KCNMA1: variants seen among roughly 807,000 people sequenced by gnomAD.
KCNMA1 encodes the protein Calcium-activated potassium channel subunit alpha-1.
Under a neutral mutation model 140.0 loss-of-function variants are expected in KCNMA1, and 29 were observed. That is an observed-to-expected ratio of 0.21 (90% confidence interval 0.15 to 0.28). KCNMA1 has a LOEUF of 0.28. Among genes scored for constraint, KCNMA1 ranks in the 10% least tolerant of loss-of-function variants. The pLI is 1.00. For missense variants in KCNMA1, 880 were observed against 1,602.2 expected, an observed-to-expected ratio of 0.55 and a Z score of 7.70; for synonymous variants, 612 against 611.9, an observed-to-expected ratio of 1.00 and a Z score of 0.00.
At chr10:77,293,373 C>T (rs1218081173) in intron 2 of KCNMA1, among the ~76,000 whole-genome samples, 1 of 152,128 alleles carries the variant, frequency 6.6e-6, no homozygotes, top group African/African-American at 2.4e-5. Flanking sequence ...ACAACCATAG[C>T]TCCTAAAGCA....
intron 19 of KCNMA1, among the ~76,000 whole-genome samples, chr10:77,000,411 G>A (rs950262394): frequency 6.6e-6 from 1 of 152,156 alleles, no homozygotes; most frequent in Non-Finnish European, 1.5e-5. Flanking sequence ...CTTATGAACC[G>A]TATCAGGAAA....
At chr10:77,563,155 A>T (rs551797654) in intron 1 of KCNMA1, among the ~76,000 whole-genome samples, 17 of 152,134 alleles carry the variant, frequency 1.1e-4, no homozygotes, top group African/African-American at 4.1e-4. Flanking sequence ...TAGGTAGCTC[A>T]AACAGCTAAG....
At chr10:77,305,821 T>A (rs1183861040) in intron 2 of KCNMA1, among the ~76,000 whole-genome samples, 3 of 152,188 alleles carry the variant, frequency 2.0e-5, no homozygotes, top group African/African-American at 7.2e-5. Context: ...CCTGAGGCTC[T>A]GCGCAAACAA....
At chr10:77,535,515 C>T (rs1004447500) in intron 1 of KCNMA1, among the ~76,000 whole-genome samples, 1 of 152,152 alleles carries the variant, frequency 6.6e-6, no homozygotes, top group African/African-American at 2.4e-5. Context: ...AATAGAATTA[C>T]CATATGATCC....
intron 1 of KCNMA1, among the ~76,000 whole-genome samples, chr10:77,560,599 G>T (rs2066042150): frequency 6.6e-6 from 1 of 152,180 alleles, no homozygotes; most frequent in African/African-American, 2.4e-5. Flanking sequence ...ATGGGCATTG[G>T]GATTCTGGGA....
At chr10:77,489,315 TTTATTTATTTATTTTTTA>T (rs1311084577) in intron 1 of KCNMA1, among the ~76,000 whole-genome samples, 4 of 152,056 alleles carry the variant, frequency 2.6e-5, no homozygotes, top group Non-Finnish European at 5.9e-5. Context: ...TTATTTTCTT[TTTATTTATTTATTTTTTA>T]TTATTTATTT....
chr10:77,530,522 C>T (rs2057342889), intron 1 of KCNMA1, among the ~76,000 whole-genome samples: 1 of 152,218 alleles, frequency 6.6e-6, no homozygotes, highest in Admixed American at 6.5e-5. Flanking sequence ...TCCACATTCA[C>T]TTAGTGCAAG....
intron 13 of KCNMA1, among the ~76,000 whole-genome samples, chr10:77,075,844 C>G (rs2096378096): frequency 6.6e-6 from 1 of 152,170 alleles, no homozygotes; most frequent in Non-Finnish European, 1.5e-5. Flanking sequence ...AAACTTCGTC[C>G]TTTTCCATTT....
chr10:77,400,314 C>CCCAACAG (rs2096222222), intron 2 of KCNMA1, among the ~76,000 whole-genome samples: 1 of 152,212 alleles, frequency 6.6e-6, no homozygotes, highest in South Asian at 2.1e-4. Flanking sequence ...TCTGCATGGC[C>CCCAACAG]CCAACAGCCT....
intron 1 of KCNMA1, among the ~76,000 whole-genome samples, chr10:77,624,049 C>T (rs1165545991): frequency 8.5e-5 from 13 of 152,140 alleles, no homozygotes; most frequent in Non-Finnish European, 1.5e-5. Flanking sequence ...GGAATCATCC[C>T]TTCAGACACT....
chr10:77,220,504 A>G, intron 3 of KCNMA1, among the ~76,000 whole-genome samples: 1 of 152,172 alleles, frequency 6.6e-6, no homozygotes, highest in East Asian at 1.9e-4. Flanking sequence ...TTTATTTTTT[A>G]AATGTCAGGA....
At chr10:77,252,509 T>C (rs935903017) in intron 2 of KCNMA1, among the ~76,000 whole-genome samples, 1 of 145,614 alleles carries the variant, frequency 6.9e-6, no homozygotes, top group African/African-American at 2.6e-5. Context: ...ATGTAAAGAC[T>C]AAGCATGATC....
chr10:77,481,875 AT>A (rs1188997474), intron 1 of KCNMA1, among the ~76,000 whole-genome samples: 1 of 152,042 alleles, frequency 6.6e-6, no homozygotes, highest in Non-Finnish European at 1.5e-5. Flanking sequence ...TATTATCATT[AT>A]TATCCCCATT....
intron 1 of KCNMA1, among the ~76,000 whole-genome samples, chr10:77,598,476 G>A (rs2081591464): frequency 6.6e-6 from 1 of 152,180 alleles, no homozygotes. Flanking sequence ...CTAAGCACTT[G>A]GCCAGGAAAG....
chr10:77,085,766 C>A (rs1289600002), intron 11 of KCNMA1, among the ~76,000 whole-genome samples: 1 of 152,132 alleles, frequency 6.6e-6, no homozygotes, highest in Admixed American at 6.5e-5. Context: ...CCACAGTTAG[C>A]ATTTAGACTT....
chr10:77,039,159 A>G, intron 15 of KCNMA1: 1 of 320,348 alleles, frequency 3.1e-6, no homozygotes, highest in Non-Finnish European at 6.0e-6. Context: ...AATTCCTTTC[A>G]TTGAGGGGCT....
intron 1 of KCNMA1, among the ~76,000 whole-genome samples, chr10:77,467,598 C>T (rs1428924120): frequency 6.6e-6 from 1 of 152,230 alleles, no homozygotes; most frequent in Non-Finnish European, 1.5e-5. Flanking sequence ...ATAGCCTTTT[C>T]CACCAGCGCC....
chr10:77,592,119 G>T (rs759739307), intron 1 of KCNMA1, among the ~76,000 whole-genome samples: 10 of 152,110 alleles, frequency 6.6e-5, no homozygotes, highest in Non-Finnish European at 1.5e-4. Context: ...ATATTCCAGT[G>T]GCAGGAGAGA....
At chr10:77,318,859 G>A (rs1230749869) in intron 2 of KCNMA1, among the ~76,000 whole-genome samples, 1 of 152,192 alleles carries the variant, frequency 6.6e-6, no homozygotes, top group Non-Finnish European at 1.5e-5. Flanking sequence ...AAGATTGGAT[G>A]CAGAACTAGG....
Sources: allele counts gnomAD v4.1 joint callset (sites outside exome capture counted in the v4.1 genomes callset), GRCh38; gene constraint gnomAD v4.1.1; transcripts MANE v1.5; gene names NCBI Gene and HGNC (gene_info 2026-07-23, HGNC 2026-07-21).